DCAF5: variants seen among roughly 807,000 people sequenced by gnomAD.
The protein encoded by DCAF5 is DDB1- and CUL4-associated factor 5.
Under a neutral mutation model 80.7 loss-of-function variants are expected in DCAF5, and 9 were observed. That is an observed-to-expected ratio of 0.11 (90% CI 0.07 to 0.19). The LOEUF (loss-of-function observed/expected upper bound fraction) is 0.19, where lower values mean the gene tolerates loss of function less well. Ranked by LOEUF, DCAF5 falls within the 10% of genes least tolerant of loss-of-function variation. The pLI is 1.00. For synonymous variants in DCAF5, 433 were observed against 461.9 expected (o/e 0.94, Z 0.80); for missense variants, 842 against 1,205.7 (o/e 0.70, Z 4.47).
intron 5 of DCAF5, among the ~76,000 whole-genome samples, chr14:69,105,348 T>C (rs1264278962): frequency 6.6e-6 from 1 of 152,172 alleles, no homozygotes; most frequent in African/African-American, 2.4e-5. Context: ...CACTAATACA[T>C]GTGGATGAAT....
chr14:69,088,263 T>C (rs1411871750), intron 6 of DCAF5, among the ~76,000 whole-genome samples: 1 of 152,266 alleles, frequency 6.6e-6, no homozygotes, highest in East Asian at 1.9e-4. Context: ...ATCTGGGTTC[T>C]AGCCCTGGTT....
At chr14:69,069,964 C>T (rs546040094) in intron 7 of DCAF5, among the ~76,000 whole-genome samples, 1 of 152,244 alleles carries the variant, frequency 6.6e-6, no homozygotes, top group East Asian at 1.9e-4. Flanking sequence ...TGAGTAGCTA[C>T]TAAGTACTCT....
chr14:69,140,430 A>G (rs1312417708), intron 1 of DCAF5, among the ~76,000 whole-genome samples: 3 of 152,316 alleles, frequency 2.0e-5, no homozygotes, highest in East Asian at 1.9e-4. Flanking sequence ...AATTAAGCCT[A>G]TAACATTTTT....
chr14:69,127,713 T>C (rs1393297010), intron 1 of DCAF5, among the ~76,000 whole-genome samples: 5 of 152,194 alleles, frequency 3.3e-5, no homozygotes, highest in Admixed American at 6.5e-5. Flanking sequence ...GTGGAAGATG[T>C]TGACAATGAA....
Position 69,053,950 on chromosome 14 carries a change from A to G in DCAF5, c.2736T>C (p.Ala912=). 2 of 1,612,996 alleles carry G rather than the reference A, an allele frequency of 1.2e-6. No individual in the cohort carries two copies. The highest frequency in any genetic ancestry group is 1.7e-6 in the Non-Finnish European group (2 of 1,179,620). ...TTTTGAGGCCACTGTGGCCATGAAC[A>G]GCCCTGCTACTATCTGTGGCTGGGG... ...TDTPATDSSR[A]VHGHSGLKRQ... The change falls in exon 9 of 9, where the codon GCT becomes GCC. Residue 912 remains alanine, a synonymous_variant. Transcript: ENST00000341516.
chr14:69,111,341 C>T (rs920896681), intron 5 of DCAF5, among the ~76,000 whole-genome samples: 3 of 152,186 alleles, frequency 2.0e-5, no homozygotes, highest in South Asian at 2.1e-4. Context: ...AACTTGCTCT[C>T]ATTGCCCATT....
intron 7 of DCAF5, 115 bp downstream of exon 7, chr14:69,075,230 G>T: frequency 1.5e-6 from 1 of 676,874 alleles, no homozygotes; most frequent in Non-Finnish European, 2.4e-6. Flanking sequence ...TTTGGTCACA[G>T]CTTATGTTAG....
At chr14:69,141,452 C>G (rs2041371958) in intron 1 of DCAF5, among the ~76,000 whole-genome samples, 1 of 152,122 alleles carries the variant, frequency 6.6e-6, no homozygotes, top group African/African-American at 2.4e-5. Flanking sequence ...GTGCTACACC[C>G]ATTAACTCGT....
At chr14:69,064,841 A>G (rs749039611) in intron 7 of DCAF5, among the ~76,000 whole-genome samples, 4 of 152,240 alleles carry the variant, frequency 2.6e-5, no homozygotes, top group Non-Finnish European at 5.9e-5. Flanking sequence ...CACCAGGTGC[A>G]TAAATACTTG....
intron 6 of DCAF5, among the ~76,000 whole-genome samples, chr14:69,079,820 A>C (rs1160085972): frequency 6.6e-6 from 1 of 152,194 alleles, no homozygotes; most frequent in Non-Finnish European, 1.5e-5. Flanking sequence ...TAGAGCAAAA[A>C]AAAGTTAAAC....
At chr14:69,136,253 C>T (rs188213532) in intron 1 of DCAF5, among the ~76,000 whole-genome samples, 1 of 151,608 alleles carries the variant, frequency 6.6e-6, no homozygotes, top group African/African-American at 2.4e-5. Context: ...GTAGTTGAGA[C>T]TACAGGTGCA....
At chr14:69,142,327 T>G (rs191186600) in intron 1 of DCAF5, among the ~76,000 whole-genome samples, 1 of 152,052 alleles carries the variant, frequency 6.6e-6, no homozygotes, top group Non-Finnish European at 1.5e-5. Context: ...GTAACTAAAG[T>G]GACAAACTAC....
chr14:69,096,996 G>C (rs1399782859), intron 5 of DCAF5, among the ~76,000 whole-genome samples: 2 of 152,070 alleles, frequency 1.3e-5, no homozygotes, highest in Non-Finnish European at 2.9e-5. Flanking sequence ...TGCAGAAGGA[G>C]GGGGTGGGAG....
Position 69,054,376 on chromosome 14 carries a change from A to C in DCAF5, c.2310T>G (p.Ser770=). ...TCTTGGTTTCAAAAGGGTGCTCTAC[A>C]GAGCCGCTATTGCCAGTGTCCTGAG... The part of the protein sequence containing the change: ...GTSQDTGNSG[S]VEHPFETKKL... The change falls in exon 9 of 9, where the codon TCT becomes TCG. Residue 770 remains serine (S), a synonymous_variant. Coordinates refer to ENST00000341516, the MANE Select transcript of DCAF5 (RefSeq NM_003861.3). 1 of 1,614,156 alleles carries C rather than the reference A, an allele frequency of 6.2e-7. No individual in the cohort carries two copies. The highest frequency in any genetic ancestry group is 8.5e-7 in the Non-Finnish European group (1 of 1,180,040).
chr14:69,140,224 G>A (rs1333991236), intron 1 of DCAF5, among the ~76,000 whole-genome samples: 1 of 151,334 alleles, frequency 6.6e-6, no homozygotes, highest in African/African-American at 2.4e-5. Context: ...TCAAGATAGC[G>A]CCATTGCACT....
intron 5 of DCAF5, among the ~76,000 whole-genome samples, chr14:69,102,970 C>T (rs750051777): frequency 6.6e-6 from 1 of 152,120 alleles, no homozygotes; most frequent in Non-Finnish European, 1.5e-5. Context: ...CCAACGTCAC[C>T]ACAAACACAT....
intron 5 of DCAF5, among the ~76,000 whole-genome samples, chr14:69,114,147 A>G (rs751287115): frequency 2.0e-5 from 3 of 152,204 alleles, no homozygotes; most frequent in Non-Finnish European, 2.9e-5. Context: ...GTAAGTTAGT[A>G]CAGCCTTTGG....
At chr14:69,105,246 T>C (rs988803391) in intron 5 of DCAF5, among the ~76,000 whole-genome samples, 2 of 152,188 alleles carry the variant, frequency 1.3e-5, no homozygotes, top group African/African-American at 4.8e-5. Context: ...CAAACGGCTA[T>C]CATTAGATGA....
chr14:69,126,303 A>G (rs1456438370), intron 1 of DCAF5, among the ~76,000 whole-genome samples: 1 of 151,556 alleles, frequency 6.6e-6, no homozygotes, highest in Non-Finnish European at 1.5e-5. Flanking sequence ...GATTACAGAC[A>G]CCCACCACCA....
Sources: gnomAD v4.1 joint callset for allele counts (sites outside exome capture counted in the v4.1 genomes callset) on GRCh38, gnomAD v4.1.1 for gene constraint, MANE v1.5 for transcripts, NCBI Gene and HGNC (gene_info 2026-07-23, HGNC 2026-07-21) for gene names.